The following TP53BP1 variants were observed in gnomAD, a reference collection of about 807,000 sequenced individuals.
The protein encoded by TP53BP1 is TP53-binding protein 1.
TP53BP1 carries 61 observed loss-of-function variants against 200.8 expected under a neutral mutation model. The ratio of observed to expected loss-of-function variants is 0.30; its 90% CI spans 0.25 to 0.38. TP53BP1 has a LOEUF of 0.38. Ranked by LOEUF, TP53BP1 falls within the 10% of genes least tolerant of loss-of-function variation. The pLI, the probability that TP53BP1 is intolerant of heterozygous loss-of-function variation, is 1.00. For missense variants in TP53BP1, 2,144 were observed against 2,371.9 expected (o/e 0.90, Z 2.00); for synonymous variants, 822 against 844.3 (o/e 0.97, Z 0.46).
At position 43,428,008 on chromosome 15, in the gene TP53BP1, T is replaced by C. The variant is rs146612294; in HGVS notation, c.3828+8A>G. 1.8e-5 allele frequency: 29 copies of C among 1,579,046 alleles called. 1 individual carries two copies. In the Admixed American group the frequency reaches 4.7e-4, roughly 26 times the overall value. On this transcript the variant is annotated splice_region_variant and intron_variant, in intron 18 of 27. Transcript: ENST00000382044. Reference sequence around the variant, plus strand: ...AAATTTGCCACACAGACTCAGAGTATGTATTACCTCAGTTACTTTTCTTTC... The same window carrying C: ...AAATTTGCCACACAGACTCAGAGTACGTATTACCTCAGTTACTTTTCTTTC...
chr15:43,418,080 T>C (rs1490020043), intron 21 of TP53BP1, among the ~76,000 whole-genome samples: 3 of 149,202 alleles, frequency 2.0e-5, no homozygotes, highest in Non-Finnish European at 3.0e-5. Flanking sequence ...CTTGGGAGGC[T>C]GAGGCAAGAG....
At chr15:43,472,155 A>G (rs2140098828) in intron 10 of TP53BP1, among the ~76,000 whole-genome samples, 1 of 152,370 alleles carries the variant, frequency 6.6e-6, no homozygotes, top group African/African-American at 2.4e-5. Flanking sequence ...TTCTGCTTCT[A>G]CATCTCATTA....
intron 16 of TP53BP1, among the ~76,000 whole-genome samples, chr15:43,434,070 A>G (rs1057013674): frequency 3.9e-5 from 6 of 152,232 alleles, no homozygotes; most frequent in African/African-American, 1.4e-4. Context: ...GTTCTAGCCA[A>G]GAAGAGCTTA....
intron 7 of TP53BP1, among the ~76,000 whole-genome samples, chr15:43,478,666 G>A (rs1026288835): frequency 6.6e-6 from 1 of 152,144 alleles, no homozygotes; most frequent in Non-Finnish European, 1.5e-5. Flanking sequence ...TAAAGAACCT[G>A]AGAAAATCCC....
rs1473236848 is a variant in TP53BP1, at chr15:43,409,137, T to C, written c.5401-41A>G. 2.5e-6 allele frequency: 4 copies of C among 1,589,072 alleles called. No homozygotes were observed. In the South Asian group the frequency reaches 4.4e-5, roughly 18 times the overall value. The stretch of plus-strand genomic sequence containing the variant: ...CAGAGCCAATGGGTTTGGTGACTTC[T>C]GTGGAAAGCTCCTAAGCAGCAGCCA... On this transcript the variant is annotated intron_variant, in intron 25 of 27. Coordinates refer to ENST00000382044, the MANE Select transcript of TP53BP1 (RefSeq NM_001141980.3).
chr15:43,484,463 A>G (rs2079018115), intron 4 of TP53BP1, among the ~76,000 whole-genome samples: 1 of 152,160 alleles, frequency 6.6e-6, no homozygotes, highest in African/African-American at 2.4e-5. Context: ...ACTCTGTTAA[A>G]AATCTAAATC....
At position 43,489,560 on chromosome 15, in the gene TP53BP1, G is replaced by A. The variant is rs182360435; in HGVS notation, c.371+2109C>T. 2.6e-5 allele frequency among the ~76,000 whole-genome samples: 4 copies of A among 152,328 alleles called. No homozygotes were observed. In the East Asian group the frequency reaches 7.7e-4, roughly 29 times the overall value. On this transcript the variant is annotated intron_variant, in intron 4 of 27. Transcript: ENST00000382044. ...AATGACAAAAGAACACCTGGCCTCA[G>A]TGTCCAAGTACAATAATGAATTGTA...
upstream of TP53BP1, among the ~76,000 whole-genome samples, chr15:43,496,784 G>A (rs938768549): frequency 6.6e-6 from 1 of 151,942 alleles, no homozygotes; most frequent in Non-Finnish European, 1.5e-5. Context: ...CAACACACCT[G>A]GCTAATTTTG....
chr15:43,498,378 C>G (rs1375501313), intron 1 of TP53BP1, among the ~76,000 whole-genome samples: 3 of 152,148 alleles, frequency 2.0e-5, no homozygotes, highest in African/African-American at 7.2e-5. Context: ...GAACAAAAAG[C>G]CATCTGTGTC....
chr15:43,492,147 T>G lies in TP53BP1; in HGVS notation c.193-52A>C, dbSNP rs1022784045. On this transcript the variant is annotated intron_variant, in intron 2 of 27. Coordinates refer to ENST00000382044, the MANE Select transcript of TP53BP1 (RefSeq NM_001141980.3). ...CCATTATATATGAAATAGTTCAAAA[T>G]GAAACCTACTATTTGTGAACAATTT... is the stretch of plus-strand genomic sequence containing the variant. 2.6e-6 allele frequency: 4 copies of G among 1,518,862 alleles called. No individual in the cohort carries two copies. In the African/African-American group the frequency reaches 5.5e-5, roughly 21 times the overall value. 94.1% of individuals were successfully genotyped at this position (1,518,862 alleles called of 1,614,324 possible).
At chr15:43,431,360 G>A (rs1003313231) in intron 17 of TP53BP1, among the ~76,000 whole-genome samples, 1 of 151,834 alleles carries the variant, frequency 6.6e-6, no homozygotes, top group Non-Finnish European at 1.5e-5. Context: ...GAAATGTTGT[G>A]AACTTCTACG....
chr15:43,498,426 T>C (rs1333993029), intron 1 of TP53BP1, among the ~76,000 whole-genome samples: 1 of 152,216 alleles, frequency 6.6e-6, no homozygotes, highest in Non-Finnish European at 1.5e-5. Flanking sequence ...CACACTTTAA[T>C]TGTATTCTTG....
At chr15:43,448,427 T>C (rs2046092093) in intron 12 of TP53BP1, among the ~76,000 whole-genome samples, 1 of 152,198 alleles carries the variant, frequency 6.6e-6, no homozygotes, top group Admixed American at 6.5e-5. Context: ...TAATCTGGCA[T>C]ACTTGGACAC....
intron 8 of TP53BP1, among the ~76,000 whole-genome samples, chr15:43,476,985 T>G (rs940027020): frequency 2.0e-5 from 3 of 152,184 alleles, no homozygotes; most frequent in East Asian, 1.9e-4. Flanking sequence ...TATTGAAGAT[T>G]TGAAGACATA....
chr15:43,479,057 AT>A (rs1307359480), intron 7 of TP53BP1, among the ~76,000 whole-genome samples: 2 of 152,130 alleles, frequency 1.3e-5, no homozygotes. Flanking sequence ...CAACAAAAAA[AT>A]TTTTTTAATC....
chr15:43,432,765 T>TGG, intron 16 of TP53BP1, 88 bp from the exon 17 acceptor site: 1 of 1,396,440 alleles, frequency 7.2e-7, no homozygotes, highest in African/African-American at 1.4e-5. Context: ...GTGTGTGTAG[T>TGG]GGCAAGGGGG....
Position 43,403,487 on chromosome 15 carries a change from GA to G in TP53BP1, c.*3895del, listed in dbSNP as rs1405600922. ...AAGAGAGTAATACTCGCTTAGCCAG[GA>G]AAGGATGCATTTGTTTTACGCATTT... On this transcript the variant is annotated 3_prime_UTR_variant, in exon 28 of 28. Transcript: ENST00000382044. 59 of 542,200 alleles carry G rather than the reference GA, an allele frequency of 1.1e-4. No homozygotes were observed. Among genetic ancestry groups the G allele is most frequent in the Admixed American group, 3.3e-4 (10 of 30,702 alleles). 33.6% of individuals were successfully genotyped at this position (542,200 alleles called of 1,614,324 possible).
chr15:43,475,705 G>C lies in TP53BP1; in HGVS notation c.956-11C>G. On this transcript the variant is annotated splice_polypyrimidine_tract_variant and intron_variant, in intron 8 of 27. Transcript: ENST00000382044. Reference sequence around the variant, plus strand: ...AACCATCAGAAGATACTGAAAAAAAGAAATTCCAGTTGCACTTCTCAGATT... The same window carrying C: ...AACCATCAGAAGATACTGAAAAAAACAAATTCCAGTTGCACTTCTCAGATT... 6.2e-7 allele frequency: 1 copy of C among 1,613,198 alleles called. No homozygotes were observed. Among genetic ancestry groups the C allele is most frequent in the Non-Finnish European group, 8.5e-7 (1 of 1,179,938 alleles).
At chr15:43,485,669 C>G (rs1458460849) in intron 4 of TP53BP1, among the ~76,000 whole-genome samples, 1 of 150,912 alleles carries the variant, frequency 6.6e-6, no homozygotes. Context: ...AAGGTGAAAC[C>G]CTGTCTCTAC....
Sources: gnomAD v4.1 joint callset for allele counts (sites outside exome capture counted in the v4.1 genomes callset) on GRCh38, gnomAD v4.1.1 for gene constraint, MANE v1.5 for transcripts, NCBI Gene and HGNC (gene_info 2026-07-23, HGNC 2026-07-21) for gene names.